The following WASF1 variants were observed in gnomAD, a reference collection of about 807,000 sequenced individuals.
WASF1 encodes WASP family member 1.
Under a neutral mutation model 50.5 loss-of-function variants are expected in WASF1, and 7 were observed. The observed-to-expected ratio is 0.14, with a 90% CI of 0.08 to 0.26. The LOEUF is 0.26. WASF1 is among the 10% of genes least tolerant of loss of function. The probability of loss-of-function intolerance (pLI) is 1.00; values close to 1 mark genes in which losing one functional copy is unlikely to be tolerated. For synonymous variants in WASF1, 205 were observed against 244.0 expected, an observed-to-expected ratio of 0.84 and a Z score of 1.49; for missense variants, 470 against 694.7, an observed-to-expected ratio of 0.68 and a Z score of 3.64.
intron 8 of WASF1, among the ~76,000 whole-genome samples, 195 bp from the exon 9 acceptor site, chr6:110,103,752 G>A (rs1039916141): frequency 1.3e-5 from 2 of 152,066 alleles, no homozygotes; most frequent in African/African-American, 4.8e-5. Flanking sequence ...ACCCTTACTT[G>A]TTGATTTAGA....
intron 3 of WASF1, among the ~76,000 whole-genome samples, chr6:110,137,572 T>C (rs1310059356): frequency 6.6e-6 from 1 of 152,192 alleles, no homozygotes; most frequent in African/African-American, 2.4e-5. Context: ...GATTATATAC[T>C]GGCCTCCTTC....
At chr6:110,113,519 C>T (rs1773661863) in intron 4 of WASF1, 59 bp from the exon 5 acceptor site, 1 of 1,442,172 alleles carries the variant, frequency 6.9e-7, no homozygotes, top group Admixed American at 2.3e-5. Context: ...GAGTTTTTAT[C>T]TTTGCAAGCA....
chr6:110,103,778 C>T (rs1183806971), intron 8 of WASF1, among the ~76,000 whole-genome samples: 1 of 152,098 alleles, frequency 6.6e-6, no homozygotes, highest in Non-Finnish European at 1.5e-5. Context: ...ACTATGATGA[C>T]CATCGGTTAT....
At chr6:110,145,870 C>A (rs942627929) in intron 3 of WASF1, among the ~76,000 whole-genome samples, 1 of 151,182 alleles carries the variant, frequency 6.6e-6, no homozygotes, top group Non-Finnish European at 1.5e-5. Context: ...TCTCAGCAAA[C>A]TATAACAAGG....
chr6:110,113,236 A>C, intron 5 of WASF1, 90 bp downstream of exon 5: 1 of 1,171,176 alleles, frequency 8.5e-7, no homozygotes. Context: ...GATCTGTAAT[A>C]AATTCATGAT....
intron 2 of WASF1, among the ~76,000 whole-genome samples, chr6:110,162,144 A>G (rs1048462872): frequency 2.0e-5 from 3 of 151,518 alleles, no homozygotes; most frequent in African/African-American, 4.8e-5. Context: ...TAATACAAAC[A>G]TATCAAGTAT....
chr6:110,132,791 G>C (rs1216223589), intron 3 of WASF1, among the ~76,000 whole-genome samples: 1 of 151,636 alleles, frequency 6.6e-6, no homozygotes, highest in African/African-American at 2.4e-5. Flanking sequence ...ACAATGTTTG[G>C]TTTTTCATTC....
intron 3 of WASF1, among the ~76,000 whole-genome samples, chr6:110,142,449 T>A (rs1775289273): frequency 6.6e-6 from 1 of 152,168 alleles, no homozygotes; most frequent in Admixed American, 6.5e-5. Context: ...ACCTTATTCC[T>A]TGGTGATTTC....
chr6:110,174,428 AG>A (rs1776842868), intron 2 of WASF1, among the ~76,000 whole-genome samples: 1 of 152,172 alleles, frequency 6.6e-6, no homozygotes, highest in Non-Finnish European at 1.5e-5. Flanking sequence ...TGGTTTAACA[AG>A]GGGGACCCAC....
At chr6:110,142,635 C>T (rs78367264) in intron 3 of WASF1, among the ~76,000 whole-genome samples, 9,976 of 151,688 alleles carry the variant, frequency 0.066, 401 homozygotes, top group African/African-American at 0.12. Context: ...TTAAAAAAAT[C>T]AAAAAACAAA....
At chr6:110,155,710 G>C (rs1307017153) in intron 3 of WASF1, among the ~76,000 whole-genome samples, 2 of 56,238 alleles carry the variant, frequency 3.6e-5, no homozygotes, top group Non-Finnish European at 6.8e-5. Flanking sequence ...CCCCTCCCCC[G>C]ACCCCACCAC....
chr6:110,136,264 T>C (rs1774965044), intron 3 of WASF1, among the ~76,000 whole-genome samples: 1 of 152,194 alleles, frequency 6.6e-6, no homozygotes, highest in Admixed American at 6.5e-5. Flanking sequence ...GACATTGTGG[T>C]CAGAAAATAC....
intron 3 of WASF1, among the ~76,000 whole-genome samples, chr6:110,134,074 C>T (rs577070498): frequency 7.9e-5 from 12 of 152,202 alleles, no homozygotes; most frequent in Admixed American, 1.3e-4. Context: ...ACCTCCACCA[C>T]GCCCAGCTAA....
Position 110,137,415 on chromosome 6 carries a change from C to T in WASF1, c.-28-9786G>A, listed in dbSNP as rs565491216. On this transcript the variant is annotated intron_variant, in intron 3 of 10. Transcript: ENST00000392589. ...TACTACTTTAATTCAAACCATAGTC[C>T]TCTCTCACTTGGTTAGACTTATGAA... Among the ~76,000 whole-genome samples, 5 of 152,146 alleles carry T rather than the reference C, an allele frequency of 3.3e-5. No homozygotes were observed. In the East Asian group the frequency reaches 9.7e-4, roughly 29 times the overall value.
At chr6:110,124,768 G>T (rs1774346897) in intron 4 of WASF1, among the ~76,000 whole-genome samples, 1 of 152,122 alleles carries the variant, frequency 6.6e-6, no homozygotes, top group Admixed American at 6.5e-5. Flanking sequence ...AAATTAGCCA[G>T]GCATGATGGC....
chr6:110,109,708 T>C (rs568023771), intron 5 of WASF1, among the ~76,000 whole-genome samples: 3 of 151,800 alleles, frequency 2.0e-5, no homozygotes, highest in East Asian at 3.9e-4. Flanking sequence ...CCTGCCACCA[T>C]GGCCGACTAA....
At chr6:110,137,631 G>A (rs1015226304) in intron 3 of WASF1, among the ~76,000 whole-genome samples, 31 of 152,148 alleles carry the variant, frequency 2.0e-4, no homozygotes, top group African/African-American at 7.5e-4. Flanking sequence ...AAGGACCCCA[G>A]GGAAGACCTC....
At chr6:110,160,275 A>G (rs1562187292) in intron 3 of WASF1, among the ~76,000 whole-genome samples, 1 of 151,884 alleles carries the variant, frequency 6.6e-6, no homozygotes, top group African/African-American at 2.4e-5. Flanking sequence ...AACGAGATAT[A>G]GGACTCTTTT....
chr6:110,163,501 T>C (rs1003941172), intron 2 of WASF1, among the ~76,000 whole-genome samples: 7 of 151,478 alleles, frequency 4.6e-5, no homozygotes, highest in African/African-American at 1.7e-4. Flanking sequence ...TTATGAGGAC[T>C]CCACTCTCAT....
Sources: allele counts gnomAD v4.1 joint callset (sites outside exome capture counted in the v4.1 genomes callset), GRCh38; gene constraint gnomAD v4.1.1; transcripts MANE v1.5; gene names NCBI Gene and HGNC (gene_info 2026-07-23, HGNC 2026-07-21).